The following USP54 variants were observed in gnomAD, a reference collection of about 807,000 sequenced individuals.
USP54 encodes the protein ubiquitin carboxyl-terminal hydrolase 54.
USP54 carries 87 observed loss-of-function variants against 170.5 expected under a neutral mutation model. The observed-to-expected ratio is 0.51, with a 90% confidence interval of 0.43 to 0.61. The LOEUF (loss-of-function observed/expected upper bound fraction) is 0.61. Among genes scored for constraint, USP54 ranks in the 20% least tolerant of loss-of-function variants. The pLI is 0.00. For missense variants in USP54, 1,786 were observed against 2,047.8 expected, an observed-to-expected ratio of 0.87 and a Z score of 2.47; for synonymous variants, 655 against 742.8, an observed-to-expected ratio of 0.88 and a Z score of 1.92.
upstream of USP54, among the ~76,000 whole-genome samples, chr10:73,592,362 T>C (rs1198263311): frequency 6.6e-6 from 1 of 151,858 alleles, no homozygotes; most frequent in Non-Finnish European, 1.5e-5. Context: ...TAAGATTTAT[T>C]GGTAAAATTT....
intron 1 of USP54, among the ~76,000 whole-genome samples, chr10:73,599,899 CTTTTTTT>C (rs536461848): frequency 8.5e-6 from 1 of 117,962 alleles, no homozygotes; most frequent in African/African-American, 3.2e-5. Flanking sequence ...GCACTTTGGG[CTTTTTTT>C]TTTTTTTTTT....
At chr10:73,515,138 C>T (rs1302676468) in intron 20 of USP54, among the ~76,000 whole-genome samples, 1 of 152,148 alleles carries the variant, frequency 6.6e-6, no homozygotes, top group Non-Finnish European at 1.5e-5. Flanking sequence ...TAAACACTTA[C>T]TCAACTGTAA....
chr10:73,556,081 C>T (rs2070903273), intron 4 of USP54, among the ~76,000 whole-genome samples: 1 of 152,072 alleles, frequency 6.6e-6, no homozygotes, highest in African/African-American at 2.4e-5. Flanking sequence ...GTGATCAAAA[C>T]AATGAAGTTA....
At chr10:73,525,377 T>A (rs914713329) in intron 16 of USP54, among the ~76,000 whole-genome samples, 2 of 152,190 alleles carry the variant, frequency 1.3e-5, no homozygotes, top group Non-Finnish European at 2.9e-5. Flanking sequence ...TAGGGCTTAT[T>A]ATACAAACAG....
At chr10:73,623,403 A>C (rs2081243195) in intron 1 of USP54, among the ~76,000 whole-genome samples, 2 of 151,696 alleles carry the variant, frequency 1.3e-5, no homozygotes. Flanking sequence ...GAGAAAAGAA[A>C]ATTCTTACTT....
intron 1 of USP54, among the ~76,000 whole-genome samples, chr10:73,617,153 G>A (rs1326569909): frequency 6.6e-6 from 1 of 150,500 alleles, no homozygotes; most frequent in Non-Finnish European, 1.5e-5. Flanking sequence ...AAAATTAGCT[G>A]GGCATGGTGG....
intron 22 of USP54, among the ~76,000 whole-genome samples, chr10:73,502,627 G>C (rs546171515): frequency 6.6e-6 from 1 of 152,026 alleles, no homozygotes; most frequent in Non-Finnish European, 1.5e-5. Flanking sequence ...CTTTCTTCTT[G>C]AAACACTCTC....
chr10:73,614,713 G>T (rs2132329033), intron 1 of USP54, among the ~76,000 whole-genome samples: 1 of 150,274 alleles, frequency 6.7e-6, no homozygotes, highest in Non-Finnish European at 1.5e-5. Context: ...TTGCATATTT[G>T]TGGAGAAAAA....
rs2078206845 is a variant in USP54, at chr10:73,591,185, TA to T, written c.-582+92del. The T allele has an allele frequency of 2.6e-5, 4 of 152,290 alleles. No individual in the cohort carries two copies. The South Asian group carries it at 6.2e-4, about 24-fold the overall frequency. The allele number at this position is 152,290 out of a possible 1,614,324, so 9.4% of individuals were successfully genotyped here. The stretch of plus-strand genomic sequence containing the variant: ...TAGCTTATTAATCAGTGCTTGGGAA[TA>T]TTTTTTTTAAAAGAAAGAAAACTTC... On this transcript the variant is annotated intron_variant, in intron 1 of 23. Coordinates refer to ENST00000687698, the MANE Select transcript of USP54 (RefSeq NM_001391956.1).
At chr10:73,587,938 G>A (rs2132187055) in intron 1 of USP54, among the ~76,000 whole-genome samples, 1 of 152,226 alleles carries the variant, frequency 6.6e-6, no homozygotes. Context: ...TCTGCTGAAA[G>A]GATGCAACAA....
chr10:73,501,483 C>T (rs2058095450), intron 22 of USP54, among the ~76,000 whole-genome samples: 1 of 152,300 alleles, frequency 6.6e-6, no homozygotes, highest in East Asian at 1.9e-4. Context: ...CTCCTCCTGG[C>T]ACCTCATTTT....
At chr10:73,532,904 C>T (rs934417670) in intron 12 of USP54, among the ~76,000 whole-genome samples, 1 of 152,200 alleles carries the variant, frequency 6.6e-6, no homozygotes, top group African/African-American at 2.4e-5. Flanking sequence ...CATTTAGATG[C>T]TGAGTCAAAC....
chr10:73,505,295 C>T lies in USP54; in HGVS notation c.4170+13G>A. 1 of 1,611,446 alleles carries T rather than the reference C, an allele frequency of 6.2e-7. No homozygotes were observed. Among genetic ancestry groups the T allele is most frequent in the East Asian group, 2.2e-5 (1 of 44,834 alleles). ...CACCCCAGGCCCAGCACCTTAGCACCTGAGGCTGCTACCTGAGAAGTACGC... is the reference window on the plus strand; with the variant it reads ...CACCCCAGGCCCAGCACCTTAGCACTTGAGGCTGCTACCTGAGAAGTACGC... On this transcript the variant is annotated intron_variant, in intron 21 of 23. Transcript: ENST00000687698.
At chr10:73,612,268 C>T (rs2080211381) in intron 1 of USP54, among the ~76,000 whole-genome samples, 3 of 152,116 alleles carry the variant, frequency 2.0e-5, no homozygotes, top group Non-Finnish European at 4.4e-5. Flanking sequence ...CCCTCTAACT[C>T]AGATGGCACA....
chr10:73,611,953 A>G (rs957656478), intron 1 of USP54, among the ~76,000 whole-genome samples: 4 of 151,782 alleles, frequency 2.6e-5, no homozygotes, highest in Non-Finnish European at 5.9e-5. Context: ...TACGAAAAAT[A>G]CAAAAAAACT....
At position 73,516,813 on chromosome 10, in the gene USP54, G is replaced by C. The variant is rs1443690456; in HGVS notation, c.3613C>G (p.His1205Asp). The stretch of plus-strand genomic sequence containing the variant: ...CCAGAGTTTAAGGCAAGAGAAGAAT[G>C]TTCAGTGGACTCTTCCCAGGAAAGT... ...RPLSWEESTE[H>D]SSLALNSGLP... The change falls in exon 20 of 24, where the codon CAT becomes GAT. Residue 1205 changes from histidine to aspartate, a missense_variant. Transcript: ENST00000687698. 1 of 1,614,222 alleles carries C rather than the reference G, an allele frequency of 6.2e-7. No individual in the cohort carries two copies. The highest frequency in any genetic ancestry group is 8.5e-7 in the Non-Finnish European group (1 of 1,180,040).
intron 17 of USP54, 49 bp downstream of exon 17, chr10:73,523,534 C>G (rs1017146865): frequency 6.8e-7 from 1 of 1,470,884 alleles, no homozygotes; most frequent in Non-Finnish European, 9.1e-7. Context: ...TTTTTTCTAC[C>G]CTTTCTGTCT....
At chr10:73,563,136 G>A (rs966651766) in intron 4 of USP54, among the ~76,000 whole-genome samples, 3 of 151,698 alleles carry the variant, frequency 2.0e-5, no homozygotes, top group Non-Finnish European at 4.4e-5. Flanking sequence ...AAATGTTTTC[G>A]TAGAGACAGG....
intron 23 of USP54, chr10:73,499,456 C>A: frequency 5.0e-6 from 2 of 402,708 alleles, no homozygotes; most frequent in Non-Finnish European, 4.5e-6. Flanking sequence ...AATCTCTCAT[C>A]CACTATACAC....
Sources: gnomAD v4.1 joint callset for allele counts (sites outside exome capture counted in the v4.1 genomes callset) on GRCh38, gnomAD v4.1.1 for gene constraint, MANE v1.5 for transcripts, NCBI Gene and HGNC (gene_info 2026-07-23, HGNC 2026-07-21) for gene names.